DCDC2: variants seen among roughly 807,000 people sequenced by gnomAD.
DCDC2 encodes doublecortin domain-containing protein 2.
DCDC2 carries 40 observed loss-of-function variants against 50.2 expected under a neutral mutation model. The ratio of observed to expected loss-of-function variants is 0.80; its 90% CI spans 0.62 to 1.04. The LOEUF is 1.04. Among genes scored for constraint, DCDC2 ranks in the 50% least tolerant of loss-of-function variants. The pLI is 0.00. For synonymous variants in DCDC2, 234 were observed against 210.6 expected, an observed-to-expected ratio of 1.11 and a Z score of -0.96; for missense variants, 570 against 581.9, an observed-to-expected ratio of 0.98 and a Z score of 0.21.
chr6:24,206,596 T>C (rs142395636), intron 7 of DCDC2, among the ~76,000 whole-genome samples: 1,836 of 152,320 alleles, frequency 0.012, 17 homozygotes, highest in Middle Eastern at 0.061. Context: ...GGCAGGCCTA[T>C]AGATACAAAA....
At chr6:24,377,438 T>C in the DCDC2 span, among the ~76,000 whole-genome samples, 14 of 152,210 alleles carry the variant, frequency 9.2e-5, no homozygotes, top group Non-Finnish European at 2.1e-4. Flanking sequence ...TCAAACTATT[T>C]AAGCCTTTTA....
At chr6:24,301,393 A>AT (rs1759371173) in intron 4 of DCDC2, among the ~76,000 whole-genome samples, 2 of 150,232 alleles carry the variant, frequency 1.3e-5, no homozygotes, top group East Asian at 1.9e-4. Context: ...AAAAAAAAAA[A>AT]GTTAAGGGGC....
the DCDC2 span, among the ~76,000 whole-genome samples, chr6:24,368,442 A>T: frequency 3.3e-5 from 5 of 152,366 alleles, no homozygotes; most frequent in South Asian, 1.0e-3. Flanking sequence ...AAAAATCAAA[A>T]GAAATTAGTG....
chr6:24,297,536 A>G (rs1759279529), intron 4 of DCDC2, among the ~76,000 whole-genome samples: 1 of 152,190 alleles, frequency 6.6e-6, no homozygotes, highest in South Asian at 2.1e-4. Flanking sequence ...TCATTTCTAT[A>G]TTTTTACTTG....
chr6:24,219,734 C>T (rs1328068795), intron 7 of DCDC2, among the ~76,000 whole-genome samples: 1 of 152,160 alleles, frequency 6.6e-6, no homozygotes, highest in Non-Finnish European at 1.5e-5. Flanking sequence ...TCATTTTATC[C>T]TTGAACTTGT....
chr6:24,242,276 G>A (rs1205214683), intron 7 of DCDC2, among the ~76,000 whole-genome samples: 1 of 152,110 alleles, frequency 6.6e-6, no homozygotes, highest in African/African-American at 2.4e-5. Flanking sequence ...TCCCTAGACA[G>A]GTCATCAGGG....
intron 7 of DCDC2, among the ~76,000 whole-genome samples, chr6:24,267,151 G>C (rs1288152980): frequency 6.6e-6 from 1 of 152,182 alleles, no homozygotes; most frequent in Non-Finnish European, 1.5e-5. Context: ...GGTGACCAGA[G>C]GCTGGGAAGG....
chr6:24,292,343 CA>C (rs67697487), intron 4 of DCDC2, among the ~76,000 whole-genome samples: 42,026 of 144,328 alleles, frequency 0.29, 7,450 homozygotes, highest in African/African-American at 0.53. Context: ...TTTACAGACG[CA>C]AAAAAAAAAA....
rs1438044739 is a variant in DCDC2, at chr6:24,278,169, T to C, written c.802A>G (p.Asn268Asp). Residue 268 changes from asparagine to aspartate, a missense_variant, in exon 7 of 10, where the codon AAC (asparagine) becomes GAC (aspartate). Physicochemically the swap from Asn to Asp is conservative, Grantham distance 23 (BLOSUM62 1). Transcript: ENST00000378454. ...CTCTTCAGGGGCTGAGGAGATGAGT[T>C]GTCACTGGATCCAACTGTTGACTTA... ...HSKSTVGSSD[N>D]SSPQPLKRKG... 1 of 1,613,748 alleles carries C rather than the reference T, an allele frequency of 6.2e-7. No individual in the cohort carries two copies. The highest frequency in any genetic ancestry group is 8.5e-7 in the Non-Finnish European group (1 of 1,179,920).
At chr6:24,263,331 C>T (rs903418742) in intron 7 of DCDC2, among the ~76,000 whole-genome samples, 2 of 152,166 alleles carry the variant, frequency 1.3e-5, no homozygotes, top group African/African-American at 4.8e-5. Context: ...AATGCTCGGA[C>T]ATCAACAAAC....
intron 2 of DCDC2, among the ~76,000 whole-genome samples, chr6:24,311,984 A>C (rs868819910): frequency 2.6e-5 from 4 of 152,196 alleles, no homozygotes; most frequent in Non-Finnish European, 4.4e-5. Context: ...AAAGAAGTGA[A>C]AATAGCCAGT....
chr6:24,285,658 A>G (rs1184111720), intron 6 of DCDC2, among the ~76,000 whole-genome samples: 2 of 152,226 alleles, frequency 1.3e-5, no homozygotes, highest in Non-Finnish European at 2.9e-5. Flanking sequence ...CTTACAAATG[A>G]GCAAGAAATA....
chr6:24,283,395 A>ACCTCCCTGACCAACTCAGTTACGCT (rs571691635), intron 6 of DCDC2, among the ~76,000 whole-genome samples: 1 of 152,212 alleles, frequency 6.6e-6, no homozygotes, highest in Non-Finnish European at 1.5e-5. Context: ...TCAGTTACGC[A>ACCTCCCTGACCAACTCAGTTACGCT]CCAGCAGGGG....
At chr6:24,375,294 C>T in the DCDC2 span, among the ~76,000 whole-genome samples, 5 of 152,000 alleles carry the variant, frequency 3.3e-5, no homozygotes, top group Non-Finnish European at 5.9e-5. Flanking sequence ...GGCTGTGTCC[C>T]GAGAGGGATC....
At chr6:24,376,759 T>A in the DCDC2 span, among the ~76,000 whole-genome samples, 621 of 49,310 alleles carry the variant, frequency 0.013, no homozygotes, top group African/African-American at 0.022. Flanking sequence ...AAAAAAAAAA[T>A]CCTAATAATG....
At chr6:24,341,511 C>CT (rs34143809) in intron 2 of DCDC2, among the ~76,000 whole-genome samples, 68,416 of 127,802 alleles carry the variant, frequency 0.54, 17,608 homozygotes, top group Admixed American at 0.62. Context: ...AGAGACCTAC[C>CT]TTTTTTTAAA....
rs528782892 is a variant in DCDC2 at position 24,339,949 on chromosome 6, A to G, written c.348+13620T>C. On this transcript the variant is annotated intron_variant, in intron 2 of 9. Coordinates refer to ENST00000378454, the MANE Select transcript of DCDC2 (RefSeq NM_016356.5). The stretch of plus-strand genomic sequence containing the variant: ...AAAGAGATGGAAAATTATCATTTGA[A>G]TATGATTATACATAAGGAAATGAAT... Among the ~76,000 whole-genome samples the G allele has an allele frequency of 2.7e-4, 41 of 152,374 alleles. 1 individual carries two copies. Among genetic ancestry groups the G allele is most frequent in the Middle Eastern group, 3.4e-3 (1 of 294 alleles).
chr6:24,301,217 A>C (rs1380341047), intron 4 of DCDC2, among the ~76,000 whole-genome samples: 1 of 151,722 alleles, frequency 6.6e-6, no homozygotes, highest in Non-Finnish European at 1.5e-5. Flanking sequence ...TAAAAATACA[A>C]AAAATTAGCC....
At chr6:24,287,351 A>T (rs372973149) in intron 6 of DCDC2, among the ~76,000 whole-genome samples, 1 of 87,300 alleles carries the variant, frequency 1.1e-5, no homozygotes, top group Non-Finnish European at 2.3e-5. Context: ...ATTGTATTTT[A>T]TGTTATTTTG....
Sources: gnomAD v4.1 joint callset for allele counts (sites outside exome capture counted in the v4.1 genomes callset) on GRCh38, gnomAD v4.1.1 for gene constraint, MANE v1.5 for transcripts, NCBI Gene and HGNC (gene_info 2026-07-23, HGNC 2026-07-21) for gene names.